The following FNTB variants were observed in gnomAD, a reference collection of about 807,000 sequenced individuals.
FNTB encodes protein farnesyltransferase subunit beta.
In FNTB, 27 loss-of-function variants were observed where a neutral mutation model predicts 59.4. The observed-to-expected ratio is 0.45, with a 90% CI of 0.34 to 0.63. FNTB has a LOEUF of 0.63. Among genes scored for constraint, FNTB ranks in the 20% least tolerant of loss-of-function variants. The pLI, the probability that FNTB is intolerant of heterozygous loss-of-function variation, is 0.02. For missense variants in FNTB, 449 were observed against 559.6 expected, an observed-to-expected ratio of 0.80 and a Z score of 1.99; for synonymous variants, 230 against 220.7, an observed-to-expected ratio of 1.04 and a Z score of -0.37.
chr14:65,037,747 TA>T (rs200418286), intron 7 of FNTB, among the ~76,000 whole-genome samples: 26,374 of 93,962 alleles, frequency 0.28, 3,048 homozygotes, highest in Non-Finnish European at 0.32. Context: ...ATTTATTATT[TA>T]TTTATTTATT....
At chr14:65,037,498 G>A (rs964133537) in intron 7 of FNTB, among the ~76,000 whole-genome samples, 2 of 122,370 alleles carry the variant, frequency 1.6e-5, no homozygotes, top group African/African-American at 3.1e-5. Context: ...GCAGTGACAC[G>A]ATCATGGTTC....
intron 7 of FNTB, among the ~76,000 whole-genome samples, 176 bp from the exon 8 acceptor site, chr14:65,040,614 T>TG (rs1336933970): frequency 1.2e-4 from 18 of 150,944 alleles, no homozygotes; most frequent in Admixed American, 1.2e-3. Flanking sequence ...CTTTTTTTTT[T>TG]TTTTTTTTTT....
At chr14:65,046,955 A>G (rs2062496105) in intron 9 of FNTB, among the ~76,000 whole-genome samples, 1 of 152,242 alleles carries the variant, frequency 6.6e-6, no homozygotes, top group Admixed American at 6.5e-5. Flanking sequence ...TCTACAAACA[A>G]AACAAGCAAA....
chr14:64,999,050 A>G (rs1188754861), intron 1 of FNTB, among the ~76,000 whole-genome samples: 1 of 152,258 alleles, frequency 6.6e-6, no homozygotes, highest in African/African-American at 2.4e-5. Context: ...CTTTGAAAAC[A>G]TTATGTTTGT....
rs1366878056 is a variant in FNTB at position 65,032,719 on chromosome 14, C to G, written c.692+23C>G. The G allele has an allele frequency of 4.3e-6, 7 of 1,610,116 alleles. No homozygotes were observed. Among genetic ancestry groups the G allele is most frequent in the Non-Finnish European group, 4.2e-6 (5 of 1,178,704 alleles). The stretch of plus-strand genomic sequence containing the variant: ...AAGGTGAGAGAAGCCAGGGTTTCTC[C>G]TGGCCTCTTGGAGAGCAGGCGGTCA... On this transcript the variant is annotated intron_variant, in intron 7 of 11. Coordinates refer to ENST00000246166, the MANE Select transcript of FNTB (RefSeq NM_002028.4). This position sits in a 1 kb window ranked among gnomAD's most constrained non-coding sequence, Gnocchi z 5.0.
Position 65,032,354 on chromosome 14 carries a change from T to G in FNTB, c.606-256T>G. Reference sequence around the variant, plus strand: ...TTGATATGGCTGTTATTTCCTCTGATGTAGATTGGACCATGTGGAGGTAGG... The same window carrying G: ...TTGATATGGCTGTTATTTCCTCTGAGGTAGATTGGACCATGTGGAGGTAGG... On this transcript the variant is annotated intron_variant, in intron 6 of 11. Transcript: ENST00000246166. The surrounding 1 kb of genome is among the most constrained non-coding windows in gnomAD (Gnocchi z 5.0). The G allele has an allele frequency of 2.8e-6, 1 of 359,292 alleles. No individual in the cohort carries two copies. Among genetic ancestry groups the G allele is most frequent in the Non-Finnish European group, 5.0e-6 (1 of 198,776 alleles). The allele number at this position is 359,292 out of a possible 1,614,324, so 22.3% of individuals were successfully genotyped here.
intron 1 of FNTB, among the ~76,000 whole-genome samples, chr14:64,993,112 G>C (rs908256437): frequency 6.6e-6 from 1 of 152,074 alleles, no homozygotes; most frequent in Admixed American, 6.6e-5. Context: ...GAGCCACCGC[G>C]CCCAGCTAAA....
At chr14:64,992,565 A>G (rs1230748220) in intron 1 of FNTB, among the ~76,000 whole-genome samples, 2 of 152,224 alleles carry the variant, frequency 1.3e-5, no homozygotes, top group African/African-American at 4.8e-5. Context: ...TTGAATATGA[A>G]TAAGGTGTTA....
chr14:65,035,782 C>T (rs1017374439), intron 7 of FNTB, among the ~76,000 whole-genome samples: 1 of 152,036 alleles, frequency 6.6e-6, no homozygotes, highest in African/African-American at 2.4e-5. Flanking sequence ...TATCCACCCA[C>T]CTTGACCTAC....
chr14:65,037,115 T>C (rs1035237744), intron 7 of FNTB, among the ~76,000 whole-genome samples: 59 of 151,820 alleles, frequency 3.9e-4, no homozygotes, highest in Non-Finnish European at 6.6e-4. Context: ...TTTTTTTTTT[T>C]CCTTTGAGAC....
At chr14:64,999,392 C>T (rs1463414389) in intron 1 of FNTB, among the ~76,000 whole-genome samples, 3 of 152,250 alleles carry the variant, frequency 2.0e-5, no homozygotes, top group South Asian at 2.1e-4. Flanking sequence ...GAGCCAAGAT[C>T]GCAGCACTGC....
At position 65,027,288 on chromosome 14, in the gene FNTB, T is replaced by C; in HGVS notation, c.375-165T>C. The C allele has an allele frequency of 9.4e-7, 1 of 1,064,374 alleles. No individual in the cohort carries two copies. The highest frequency in any genetic ancestry group is 1.6e-5 in the South Asian group (1 of 63,826). 65.9% of individuals were successfully genotyped at this position (1,064,374 alleles called of 1,614,324 possible). On this transcript the variant is annotated intron_variant, in intron 4 of 11. Transcript: ENST00000246166. The surrounding 1 kb of genome is among the most constrained non-coding windows in gnomAD (Gnocchi z 5.7). Reference sequence around the variant, plus strand: ...GAAATGATGATAGCTGGAGAGAGAATTAAGCCCTTTGGGGAGAGGTTATAT... The same window carrying C: ...GAAATGATGATAGCTGGAGAGAGAACTAAGCCCTTTGGGGAGAGGTTATAT...
At chr14:65,046,385 G>C (rs1275342963) in intron 9 of FNTB, among the ~76,000 whole-genome samples, 1 of 152,206 alleles carries the variant, frequency 6.6e-6, no homozygotes, top group Non-Finnish European at 1.5e-5. Flanking sequence ...CCTGTCCCTG[G>C]CATGGATAAG....
chr14:65,022,760 T>G (rs1020556570), intron 4 of FNTB, among the ~76,000 whole-genome samples: 19 of 152,222 alleles, frequency 1.2e-4, no homozygotes, highest in African/African-American at 4.1e-4. Context: ...GATACAGTTC[T>G]GACTAATACT....
At chr14:65,055,867 A>G (rs1238124853) in intron 11 of FNTB, among the ~76,000 whole-genome samples, 4 of 152,206 alleles carry the variant, frequency 2.6e-5, no homozygotes, top group African/African-American at 9.6e-5. Context: ...AGAAACACAA[A>G]TGGCCAATAG....
chr14:64,993,026 A>T (rs1888261900), intron 1 of FNTB, among the ~76,000 whole-genome samples: 1 of 152,110 alleles, frequency 6.6e-6, no homozygotes, highest in Non-Finnish European at 1.5e-5. Context: ...TTGTAGAGAC[A>T]GGGTTTCCCT....
In FNTB at chr14:65,032,334, A is replaced by G; in HGVS notation, c.606-276A>G. 1 of 301,082 alleles carries G rather than the reference A, an allele frequency of 3.3e-6. No individual in the cohort carries two copies. Among genetic ancestry groups the G allele is most frequent in the East Asian group, 6.2e-5 (1 of 16,022 alleles). 18.7% of individuals were successfully genotyped at this position (301,082 alleles called of 1,614,324 possible). On this transcript the variant is annotated intron_variant, in intron 6 of 11. Transcript: ENST00000246166. This position sits in a 1 kb window ranked among gnomAD's most constrained non-coding sequence, Gnocchi z 5.0. ...GAATCCACTTTTGACATGAATTGAT[A>G]TGGCTGTTATTTCCTCTGATGTAGA... is the stretch of plus-strand genomic sequence containing the variant.
chr14:65,010,418 A>C (rs2061665092), intron 2 of FNTB, among the ~76,000 whole-genome samples: 2 of 152,156 alleles, frequency 1.3e-5, no homozygotes, highest in African/African-American at 4.8e-5. Flanking sequence ...CAGCAGCCTG[A>C]TTGACATCAT....
chr14:64,992,750 C>T (rs990979352), intron 1 of FNTB, among the ~76,000 whole-genome samples: 2 of 152,058 alleles, frequency 1.3e-5, no homozygotes, highest in Non-Finnish European at 2.9e-5. Flanking sequence ...GGATTACAGA[C>T]GTGAGCCTAG....
Sources: allele counts gnomAD v4.1 joint callset (sites outside exome capture counted in the v4.1 genomes callset), GRCh38; gene constraint gnomAD v4.1.1; non-coding constraint Gnocchi (gnomAD v3.1); transcripts MANE v1.5; gene names NCBI Gene and HGNC (gene_info 2026-07-23, HGNC 2026-07-21).